Variants in COL25A1 observed in about 807,000 individuals in gnomAD.
The protein encoded by COL25A1 is collagen type XXV alpha 1 chain, also known as collagen alpha-1(XXV) chain.
A neutral mutation model predicts 128.4 loss-of-function variants in COL25A1; 103 were observed. The observed-to-expected ratio is 0.80, with a 90% CI of 0.68 to 0.94. COL25A1 has a LOEUF of 0.94. COL25A1 is among the 40% of genes least tolerant of loss of function. The pLI is 0.00. For synonymous variants in COL25A1, 279 were observed against 277.2 expected, an observed-to-expected ratio of 1.01 and a Z score of -0.06; for missense variants, 745 against 840.0, an observed-to-expected ratio of 0.89 and a Z score of 1.40.
chr4:109,232,749 A>G (rs910100043), intron 3 of COL25A1, among the ~76,000 whole-genome samples: 2 of 152,178 alleles, frequency 1.3e-5, no homozygotes, highest in African/African-American at 4.8e-5. Flanking sequence ...TCATTTTGCT[A>G]TAATCGCCTC....
chr4:109,239,907 T>TA (rs1023611864), intron 3 of COL25A1, among the ~76,000 whole-genome samples: 1 of 152,028 alleles, frequency 6.6e-6, no homozygotes, highest in African/African-American at 2.4e-5. Flanking sequence ...ACCATTTTGT[T>TA]AAAAAACTAA....
chr4:109,047,379 T>C (rs575558092), intron 5 of COL25A1, among the ~76,000 whole-genome samples: 2 of 152,104 alleles, frequency 1.3e-5, no homozygotes, highest in Non-Finnish European at 1.5e-5. Flanking sequence ...ATATCAAAAA[T>C]AAACGTTTTT....
rs770714937 is a variant in COL25A1, at chr4:109,187,226, CACAT to C, written c.367+113353_367+113356del. ...ACACACACACACACACACACACACA[CACAT>C]AATTAACTTTTCCATCTTCTTCTCA... On this transcript the variant is annotated intron_variant, in intron 3 of 37. Transcript: ENST00000399132. 1.9e-3 allele frequency among the ~76,000 whole-genome samples: 220 copies of C among 117,174 alleles called. 1 individual carries two copies. The highest frequency in any genetic ancestry group is 3.3e-3 in the Non-Finnish European group (179 of 54,178). The allele number at this position is 117,174 out of a possible 152,430, so 76.9% of individuals were successfully genotyped here. A position where few individuals can be genotyped will look rare whatever the true frequency, so the allele number is the denominator to read the frequency against.
intron 19 of COL25A1, among the ~76,000 whole-genome samples, chr4:108,872,441 T>G (rs2125815517): frequency 6.6e-6 from 1 of 152,044 alleles, no homozygotes; most frequent in East Asian, 1.9e-4. Flanking sequence ...AAAGAAAGGT[T>G]TATTATATGG....
chr4:109,137,988 G>A (rs925419456), intron 3 of COL25A1, among the ~76,000 whole-genome samples: 3 of 149,394 alleles, frequency 2.0e-5, no homozygotes, highest in East Asian at 2.1e-4. Flanking sequence ...ATATATATGT[G>A]TGTGTGTGTG....
chr4:108,834,745 A>T (rs567772534), intron 31 of COL25A1, among the ~76,000 whole-genome samples: 235 of 152,306 alleles, frequency 1.5e-3, no homozygotes, highest in Middle Eastern at 0.01. Context: ...TATTCACCAT[A>T]TATTTCTTTA....
chr4:109,018,890 C>A (rs1429065982), intron 5 of COL25A1, among the ~76,000 whole-genome samples: 1 of 152,162 alleles, frequency 6.6e-6, no homozygotes, highest in Non-Finnish European at 1.5e-5. Context: ...CTGTTCACTG[C>A]AGAATAAATG....
intron 5 of COL25A1, 52 bp downstream of exon 5, chr4:109,048,116 A>G (rs1409707177): frequency 1.9e-6 from 3 of 1,591,484 alleles, no homozygotes; most frequent in African/African-American, 1.3e-5. Flanking sequence ...AAGTTTTAAC[A>G]TACACAATCC....
intron 3 of COL25A1, among the ~76,000 whole-genome samples, chr4:109,192,650 G>A (rs1268798383): frequency 1.3e-5 from 2 of 152,136 alleles, no homozygotes; most frequent in East Asian, 1.9e-4. Context: ...TCAGGAGATC[G>A]AGACCATCCT....
intron 3 of COL25A1, among the ~76,000 whole-genome samples, chr4:109,147,143 C>A (rs1771020330): frequency 6.6e-6 from 1 of 152,210 alleles, no homozygotes. Flanking sequence ...CTAATTGTAA[C>A]CTGAGTTTGC....
intron 11 of COL25A1, among the ~76,000 whole-genome samples, chr4:108,926,185 T>G (rs1314119508): frequency 6.6e-6 from 1 of 152,176 alleles, no homozygotes; most frequent in Non-Finnish European, 1.5e-5. Flanking sequence ...CTAAATGATG[T>G]GCTTTAGGAT....
intron 3 of COL25A1, among the ~76,000 whole-genome samples, chr4:109,112,780 C>G (rs1767147572): frequency 6.6e-6 from 1 of 152,112 alleles, no homozygotes; most frequent in Non-Finnish European, 1.5e-5. Context: ...CATATTTCCA[C>G]AAAGCTTTTC....
chr4:109,054,802 G>A (rs1048577668), intron 3 of COL25A1, among the ~76,000 whole-genome samples: 1 of 152,162 alleles, frequency 6.6e-6, no homozygotes, highest in Admixed American at 6.5e-5. Flanking sequence ...GTTTGCAGAT[G>A]GAGCAGCCCT....
chr4:108,913,917 C>T (rs1039010700), intron 13 of COL25A1, among the ~76,000 whole-genome samples: 1 of 152,072 alleles, frequency 6.6e-6, no homozygotes, highest in Non-Finnish European at 1.5e-5. Context: ...TGTGCGTTTG[C>T]GTGCATGCAC....
intron 6 of COL25A1, among the ~76,000 whole-genome samples, chr4:109,004,704 G>A (rs1045919444): frequency 5.9e-5 from 9 of 152,060 alleles, no homozygotes; most frequent in Non-Finnish European, 1.0e-4. Flanking sequence ...GCCATGTGAC[G>A]TGCCTGCTCC....
intron 8 of COL25A1, among the ~76,000 whole-genome samples, chr4:108,956,976 C>A (rs909525738): frequency 6.6e-6 from 1 of 151,984 alleles, no homozygotes; most frequent in African/African-American, 2.4e-5. Flanking sequence ...AATTGAGGAG[C>A]TAATAGTAAC....
chr4:108,938,639 G>A (rs920180081), intron 10 of COL25A1, among the ~76,000 whole-genome samples: 11 of 152,174 alleles, frequency 7.2e-5, no homozygotes, highest in Admixed American at 3.3e-4. Context: ...GGCAGATCAC[G>A]AGGTCAGGAG....
chr4:108,994,341 C>A lies in COL25A1; in HGVS notation c.438+16017G>T, dbSNP rs533365152. Among the ~76,000 whole-genome samples the A allele has an allele frequency of 5.3e-5, 8 of 152,336 alleles. No homozygotes were observed. In the South Asian group the frequency reaches 1.7e-3, roughly 32 times the overall value. On this transcript the variant is annotated intron_variant, in intron 6 of 37. Transcript: ENST00000399132. ...TGCAGTGGGTCCCATGCCCATGGAGCCTTGCTCACTGCTAGCGCAGAAGTC... is the reference window on the plus strand; with the variant it reads ...TGCAGTGGGTCCCATGCCCATGGAGACTTGCTCACTGCTAGCGCAGAAGTC...
intron 16 of COL25A1, 106 bp from the exon 17 acceptor site, chr4:108,889,839 G>T: frequency 1.1e-6 from 1 of 911,110 alleles, no homozygotes; most frequent in Non-Finnish European, 1.8e-6. Context: ...GGTATCTCAT[G>T]ACTAATGTGC....
Sources: gnomAD v4.1 joint callset for allele counts (sites outside exome capture counted in the v4.1 genomes callset) on GRCh38, gnomAD v4.1.1 for gene constraint, MANE v1.5 for transcripts, NCBI Gene and HGNC (gene_info 2026-07-23, HGNC 2026-07-21) for gene names.